Variants in MTERF4 observed in about 807,000 individuals in gnomAD.
MTERF4 encodes the protein transcription termination factor 4, mitochondrial.
Under a neutral mutation model 22.5 loss-of-function variants are expected in MTERF4, and 17 were observed. The ratio of observed to expected loss-of-function variants is 0.75; its 90% CI spans 0.52 to 1.13. The LOEUF (loss-of-function observed/expected upper bound fraction) is 1.13. Ranked by LOEUF, MTERF4 falls within the 50% of genes most tolerant of loss-of-function variation. MTERF4 has a pLI of 0.00. For missense variants in MTERF4, 420 were observed against 466.8 expected (o/e 0.90, Z 0.92); for synonymous variants, 165 against 175.3 (o/e 0.94, Z 0.47).
chr2:241,060,803 C>G, the MTERF4 span, among the ~76,000 whole-genome samples: 1 of 152,010 alleles, frequency 6.6e-6, no homozygotes, highest in Non-Finnish European at 1.5e-5. Flanking sequence ...TAGTGGCATG[C>G]ACCTGTAGTC....
At chr2:241,052,186 C>A in the MTERF4 span, 2 of 1,581,804 alleles carry the variant, frequency 1.3e-6, no homozygotes, top group South Asian at 1.1e-5. Context: ...CAGGCCAGGG[C>A]GGCCAGGGGT....
chr2:241,067,930 G>A, downstream of MTERF4: 1 of 1,611,538 alleles, frequency 6.2e-7, no homozygotes, highest in African/African-American at 1.3e-5. Context: ...ACAGGAGTGT[G>A]GACAGGTTCA....
chr2:241,070,284 GGGCCTGGGAT>G, downstream of MTERF4: 1 of 1,404,600 alleles, frequency 7.1e-7, no homozygotes, highest in Non-Finnish European at 9.5e-7. Flanking sequence ...GGCCCTGCAG[GGGCCTGGGAT>G]GCCAGGCAGA....
chr2:241,089,367 T>G (rs765865545), downstream of MTERF4: 17 of 1,550,434 alleles, frequency 1.1e-5, no homozygotes, highest in South Asian at 2.0e-4. Flanking sequence ...GTTACGTGCC[T>G]AAAAAAATAA....
chr2:241,051,618 GCC>G, the MTERF4 span: 1 of 743,796 alleles, frequency 1.3e-6, no homozygotes, highest in Non-Finnish European at 2.1e-6. This position sits in a 1 kb window ranked among gnomAD's most constrained non-coding sequence, Gnocchi z 4.7. Flanking sequence ...CTGCAGCCAG[GCC>G]CCAGGGCTTC....
At chr2:241,088,250 G>T, downstream of MTERF4, 1 of 772,402 alleles carries the variant, frequency 1.3e-6, no homozygotes, top group African/African-American at 1.7e-5. Context: ...CCCCCACCGT[G>T]GAATGTATGT....
downstream of MTERF4, chr2:241,087,911 G>C (rs561904302): frequency 1.2e-5 from 5 of 417,840 alleles, no homozygotes; most frequent in African/African-American, 1.0e-4. Flanking sequence ...AAGTACGTGA[G>C]AATATTATAT....
chr2:241,069,463 G>A (rs2062605383), downstream of MTERF4, among the ~76,000 whole-genome samples: 2 of 152,154 alleles, frequency 1.3e-5, no homozygotes, highest in Admixed American at 1.3e-4. The surrounding 1 kb of genome is among the most constrained non-coding windows in gnomAD (Gnocchi z 4.9). Flanking sequence ...CGCAGGGGAG[G>A]GACAGGTGAA....
At chr2:241,070,081 G>T, downstream of MTERF4, 1 of 1,613,114 alleles carries the variant, frequency 6.2e-7, no homozygotes, top group Non-Finnish European at 8.5e-7. Flanking sequence ...CGGGAAGCTG[G>T]CGTCCTACAC....
the MTERF4 span, among the ~76,000 whole-genome samples, chr2:241,047,689 A>AGGCCCCT: frequency 1.3e-5 from 2 of 152,358 alleles, no homozygotes; most frequent in African/African-American, 2.4e-5. Context: ...AAACGTTTGG[A>AGGCCCCT]GGCCCCTGGC....
chr2:241,096,889 A>G lies in MTERF4; in HGVS notation c.705+354T>C, dbSNP rs921324436. The G allele has an allele frequency of 1.2e-5, 7 of 579,774 alleles. No individual in the cohort carries two copies. The highest frequency in any genetic ancestry group is 2.1e-5 in the Non-Finnish European group (7 of 327,884). The allele number at this position is 579,774 out of a possible 1,614,324, so 35.9% of individuals were successfully genotyped here. On this transcript the variant is annotated intron_variant, in intron 3 of 3. Coordinates refer to ENST00000391980, the MANE Select transcript of MTERF4 (RefSeq NM_182501.4). The surrounding 1 kb of genome is among the most constrained non-coding windows in gnomAD (Gnocchi z 5.1). ...TTCTAAGGACAGGAAGGTTTCAGCT[A>G]TTTTAAAATTAGCTATTTCAGAGTC...
the MTERF4 span, among the ~76,000 whole-genome samples, chr2:241,064,519 C>T: frequency 1.3e-5 from 2 of 152,324 alleles, no homozygotes; most frequent in South Asian, 4.1e-4. The surrounding 1 kb of genome is among the most constrained non-coding windows in gnomAD (Gnocchi z 7.0). Context: ...TGGGATACCT[C>T]CTGATGAGGC....
In MTERF4 at chr2:241,073,828, A is replaced by G; in HGVS notation, n.2334T>C. Reference sequence around the variant, plus strand: ...CCTGTGGACACTCAGGTTATGCAGGACCTGAACTGTCTCCTAGTCCGGGGC... The same window carrying G: ...CCTGTGGACACTCAGGTTATGCAGGGCCTGAACTGTCTCCTAGTCCGGGGC... On this transcript the variant is annotated non_coding_transcript_exon_variant, in exon 5 of 5. Transcript: ENST00000464344. The surrounding 1 kb of genome is among the most constrained non-coding windows in gnomAD (Gnocchi z 6.6). 4.4e-6 allele frequency: 1 copy of G among 228,656 alleles called. No individual in the cohort carries two copies. The highest frequency in any genetic ancestry group is 8.6e-6 in the Non-Finnish European group (1 of 116,826). The allele number at this position is 228,656 out of a possible 1,614,324, so 14.2% of individuals were successfully genotyped here.
downstream of MTERF4, chr2:241,087,760 A>AG: frequency 8.4e-7 from 1 of 1,197,558 alleles, no homozygotes; most frequent in Non-Finnish European, 1.1e-6. Context: ...TGGGAAGCAC[A>AG]GGGTGTTACG....
downstream of MTERF4, among the ~76,000 whole-genome samples, chr2:241,067,557 C>T (rs540446657): frequency 3.9e-5 from 6 of 152,312 alleles, no homozygotes; most frequent in Non-Finnish European, 8.8e-5. Context: ...CCGTCATGCT[C>T]ACAGCGGGTT....
chr2:241,087,565 C>T, downstream of MTERF4: 1 of 1,488,886 alleles, frequency 6.7e-7, no homozygotes, highest in Non-Finnish European at 8.9e-7. Context: ...TGCTGCAGGC[C>T]TGTGGGCTGA....
At chr2:241,087,532 G>C, downstream of MTERF4, 1 of 1,542,510 alleles carries the variant, frequency 6.5e-7, no homozygotes, top group East Asian at 2.4e-5. Flanking sequence ...AGGGTGATGG[G>C]GCAAGGGCGG....
the MTERF4 span, chr2:241,065,450 A>G: frequency 0.21 from 332,665 of 1,612,800 alleles, 42,418 homozygotes; most frequent in African/African-American, 0.58. Flanking sequence ...ACCGCCGCAC[A>G]GACTTTGTGG....
At position 241,102,162 on chromosome 2, in the gene MTERF4, G is replaced by A. The variant is rs983161845; in HGVS notation, c.21+91C>T. On this transcript the variant is annotated intron_variant, in intron 1 of 3. Transcript: ENST00000391980. ...GACCTCCGGGAGGGCTCCACGACCT[G>A]GCCGTGAAACACTCGGCGGCCGCGG... The A allele has an allele frequency of 3.9e-6, 6 of 1,530,976 alleles. No individual in the cohort carries two copies. In the Admixed American group the frequency reaches 9.9e-5, roughly 25 times the overall value. 94.8% of individuals were successfully genotyped at this position (1,530,976 alleles called of 1,614,324 possible).
Sources: gnomAD v4.1 joint callset for allele counts (sites outside exome capture counted in the v4.1 genomes callset) on GRCh38, gnomAD v4.1.1 for gene constraint, Gnocchi (gnomAD v3.1) non-coding constraint, MANE v1.5 for transcripts, NCBI Gene and HGNC (gene_info 2026-07-23, HGNC 2026-07-21) for gene names.